The following ALK variants were observed in gnomAD, a reference collection of about 807,000 sequenced individuals.
The protein encoded by ALK is ALK tyrosine kinase receptor.
A neutral mutation model predicts 163.1 loss-of-function variants in ALK; 74 were observed. That is an observed-to-expected ratio of 0.45 (90% CI 0.38 to 0.55). The LOEUF (loss-of-function observed/expected upper bound fraction) is 0.55. Among genes scored for constraint, ALK ranks in the 20% least tolerant of loss-of-function variants. The pLI is 0.00. For missense variants in ALK, 2,063 were observed against 2,105.3 expected, an observed-to-expected ratio of 0.98 and a Z score of 0.39; for synonymous variants, 960 against 843.2, an observed-to-expected ratio of 1.14 and a Z score of -2.40.
chr2:29,357,957 T>G (rs1176888805), intron 5 of ALK, among the ~76,000 whole-genome samples: 2 of 152,248 alleles, frequency 1.3e-5, no homozygotes, highest in East Asian at 3.8e-4. Context: ...ATCACTTTGA[T>G]AAACATAATG....
At chr2:29,615,997 C>G (rs1398755195) in intron 3 of ALK, among the ~76,000 whole-genome samples, 1 of 152,206 alleles carries the variant, frequency 6.6e-6, no homozygotes, top group Non-Finnish European at 1.5e-5. Flanking sequence ...AGGGCCTGGG[C>G]CCCTCCCACC....
intron 1 of ALK, among the ~76,000 whole-genome samples, chr2:29,900,010 A>G (rs1219404440): frequency 6.6e-6 from 1 of 152,208 alleles, no homozygotes; most frequent in Non-Finnish European, 1.5e-5. Context: ...CATCATGGGC[A>G]TCACAGCTGG....
intron 14 of ALK, 132 bp from the exon 15 acceptor site, chr2:29,232,580 A>G (rs1313001400): frequency 4.7e-6 from 6 of 1,267,832 alleles, no homozygotes; most frequent in Non-Finnish European, 5.6e-6. Flanking sequence ...CAGTGGTCTG[A>G]GGTGGTTTGC....
chr2:29,815,548 T>C (rs1664875999), intron 1 of ALK, among the ~76,000 whole-genome samples: 1 of 152,110 alleles, frequency 6.6e-6, no homozygotes. Context: ...TGTTTGGAAC[T>C]CTCCTGCTGT....
chr2:29,697,488 C>T (rs1678604728), intron 2 of ALK, among the ~76,000 whole-genome samples: 1 of 152,200 alleles, frequency 6.6e-6, no homozygotes, highest in Non-Finnish European at 1.5e-5. Context: ...CTTCCCCTTC[C>T]TTGCTCATTG....
intron 4 of ALK, among the ~76,000 whole-genome samples, chr2:29,441,915 A>C (rs1670555621): frequency 6.6e-6 from 1 of 152,250 alleles, no homozygotes; most frequent in Admixed American, 6.5e-5. Context: ...ATCATAGGAA[A>C]GAAAACAACT....
chr2:29,687,754 AT>A (rs1209607202), intron 3 of ALK, among the ~76,000 whole-genome samples: 1 of 152,122 alleles, frequency 6.6e-6, no homozygotes, highest in Non-Finnish European at 1.5e-5. Context: ...TACTACACAC[AT>A]TCTTTAACTT....
intron 4 of ALK, among the ~76,000 whole-genome samples, chr2:29,466,326 T>TAC (rs1671212315): frequency 6.6e-6 from 1 of 151,836 alleles, no homozygotes; most frequent in Non-Finnish European, 1.5e-5. Context: ...GGGAACCACA[T>TAC]ACACACACAC....
At chr2:29,834,897 G>A (rs1052841734) in intron 1 of ALK, among the ~76,000 whole-genome samples, 3 of 152,186 alleles carry the variant, frequency 2.0e-5, no homozygotes, top group Non-Finnish European at 4.4e-5. Flanking sequence ...TTCAAATCAT[G>A]GCAGGCAAAA....
At chr2:29,816,536 T>C (rs1313485931) in intron 1 of ALK, among the ~76,000 whole-genome samples, 1 of 152,186 alleles carries the variant, frequency 6.6e-6, no homozygotes, top group Admixed American at 6.5e-5. Context: ...TAAAAGTGTT[T>C]ACTAATTATA....
At chr2:29,305,824 C>T (rs997987022) in intron 8 of ALK, among the ~76,000 whole-genome samples, 2 of 151,646 alleles carry the variant, frequency 1.3e-5, no homozygotes, top group Non-Finnish European at 2.9e-5. Context: ...TTACATATAT[C>T]GTGCACTTTA....
intron 5 of ALK, among the ~76,000 whole-genome samples, chr2:29,340,819 C>G (rs1231883837): frequency 2.0e-5 from 3 of 152,204 alleles, no homozygotes; most frequent in Non-Finnish European, 4.4e-5. Context: ...CAAGGCCTTC[C>G]CTGGTGGCTT....
intron 11 of ALK, among the ~76,000 whole-genome samples, chr2:29,255,279 T>C (rs2148201193): frequency 6.6e-6 from 1 of 152,298 alleles, no homozygotes. Context: ...TTCCCTTTGT[T>C]CATACTGTCT....
intron 4 of ALK, among the ~76,000 whole-genome samples, chr2:29,429,915 T>C (rs966246793): frequency 9.2e-5 from 14 of 152,228 alleles, no homozygotes; most frequent in Admixed American, 8.5e-4. Flanking sequence ...AACCCTCAAA[T>C]TTGTGGTTGA....
intron 2 of ALK, among the ~76,000 whole-genome samples, chr2:29,716,169 T>G (rs1228690756): frequency 1.3e-5 from 2 of 152,196 alleles, no homozygotes; most frequent in Non-Finnish European, 2.9e-5. Context: ...GAAGGGAATC[T>G]AGAACTCCGT....
At chr2:29,845,486 G>A (rs1665819220) in intron 1 of ALK, among the ~76,000 whole-genome samples, 1 of 152,050 alleles carries the variant, frequency 6.6e-6, no homozygotes, top group South Asian at 2.1e-4. Flanking sequence ...CCATGCTGGA[G>A]TGCAATGGCA....
At chr2:29,670,100 A>G (rs1490967748) in intron 3 of ALK, among the ~76,000 whole-genome samples, 2 of 152,038 alleles carry the variant, frequency 1.3e-5, no homozygotes, top group South Asian at 2.1e-4. Flanking sequence ...ACTTAATTTT[A>G]CCAGTGGGTT....
chr2:29,441,218 A>T (rs1670534425), intron 4 of ALK, among the ~76,000 whole-genome samples: 1 of 152,234 alleles, frequency 6.6e-6, no homozygotes, highest in African/African-American at 2.4e-5. Context: ...CCCTGTGAAG[A>T]GCATAGAGCA....
At chr2:29,260,472 T>G (rs1234075992) in intron 11 of ALK, among the ~76,000 whole-genome samples, 1 of 152,196 alleles carries the variant, frequency 6.6e-6, no homozygotes, top group Non-Finnish European at 1.5e-5. Context: ...TTTTCCTGGA[T>G]TTTTAGGGTT....
Sources: allele counts gnomAD v4.1 joint callset (sites outside exome capture counted in the v4.1 genomes callset), GRCh38; gene constraint gnomAD v4.1.1; transcripts MANE v1.5; gene names NCBI Gene and HGNC (gene_info 2026-07-23, HGNC 2026-07-21).